The following ZNF823 variants were observed in gnomAD, a reference collection of about 807,000 sequenced individuals.
ZNF823 encodes ZFP 36 for a zinc finger protein.
A neutral mutation model predicts 11.4 loss-of-function variants in ZNF823; 5 were observed. The ratio of observed to expected loss-of-function variants is 0.44; its 90% CI spans 0.23 to 0.92. The LOEUF (loss-of-function observed/expected upper bound fraction) is 0.92. Among genes scored for constraint, ZNF823 ranks in the 40% least tolerant of loss-of-function variants. The probability of loss-of-function intolerance (pLI) is 0.24; values close to 1 mark genes in which losing one functional copy is unlikely to be tolerated. For missense variants in ZNF823, 582 were observed against 738.5 expected, an observed-to-expected ratio of 0.79 and a Z score of 2.46; for synonymous variants, 234 against 250.5, an observed-to-expected ratio of 0.93 and a Z score of 0.62.
intron 1 of ZNF823, among the ~76,000 whole-genome samples, chr19:11,736,315 G>A (rs554603828): frequency 1.3e-5 from 2 of 152,080 alleles, no homozygotes; most frequent in South Asian, 2.1e-4. Context: ...TCAGGAGTTC[G>A]AGACCAGCCT....
intron 1 of ZNF823, among the ~76,000 whole-genome samples, chr19:11,736,844 C>G (rs1249060596): frequency 6.7e-6 from 1 of 149,868 alleles, no homozygotes; most frequent in Non-Finnish European, 1.5e-5. Context: ...CAAGGAGAAG[C>G]TCCCTCAATA....
intron 1 of ZNF823, among the ~76,000 whole-genome samples, chr19:11,727,691 A>G (rs1038638130): frequency 6.6e-6 from 1 of 152,218 alleles, no homozygotes; most frequent in African/African-American, 2.4e-5. Flanking sequence ...AAAATGGTTG[A>G]AAAGCTTTGT....
chr19:11,722,013 G>A lies in ZNF823; in HGVS notation c.1521C>T (p.Ala507=). 2 of 1,614,056 alleles carry A rather than the reference G, an allele frequency of 1.2e-6. No homozygotes were observed. The highest frequency in any genetic ancestry group is 1.7e-6 in the Non-Finnish European group (2 of 1,180,026). The change falls in exon 4 of 4, where the codon GCC becomes GCT. Residue 507 remains alanine, a synonymous_variant. Coordinates refer to ENST00000341191, the MANE Select transcript of ZNF823 (RefSeq NM_001080493.4). This position sits in a 1 kb window ranked among gnomAD's most constrained non-coding sequence, Gnocchi z 5.2. ...KPYECKTCRK[A]FSHFSNLKVH... Reference sequence around the variant, plus strand: ...CTTTTAAGTTACTGAAATGACTGAAGGCTTTTCTACATGTTTTACACTCAT... The same window carrying A: ...CTTTTAAGTTACTGAAATGACTGAAAGCTTTTCTACATGTTTTACACTCAT...
intron 1 of ZNF823, among the ~76,000 whole-genome samples, chr19:11,738,196 G>C (rs1279613789): frequency 6.6e-6 from 1 of 152,182 alleles, no homozygotes; most frequent in Non-Finnish European, 1.5e-5. Flanking sequence ...AAGATCTCTT[G>C]AGAGTTGCTC....
chr19:11,722,373 G>T lies in ZNF823; in HGVS notation c.1161C>A (p.Pro387=), dbSNP rs1401486048. The T allele has an allele frequency of 1.2e-6, 2 of 1,613,100 alleles. No individual in the cohort carries two copies. Among genetic ancestry groups the T allele is most frequent in the Admixed American group, 1.7e-5 (1 of 59,902 alleles). The change falls in exon 4 of 4, where the codon CCC becomes CCA. Residue 387 remains proline (P), a synonymous_variant. Transcript: ENST00000341191. The surrounding 1 kb of genome is among the most constrained non-coding windows in gnomAD (Gnocchi z 5.2). ...CTTTCCCACATATCTTGCATTTCTG[G>T]GGTCCATCTCCTGTGTGTGTTATCA... ...SHMITHTGDG[P]QKCKICGKAF... is the part of the protein sequence containing the mutation.
rs564178922 is a variant in ZNF823 at position 11,730,294 on chromosome 19, TAAG to T, written c.4-4970_4-4968del. 2.0e-4 allele frequency among the ~76,000 whole-genome samples: 30 copies of T among 152,268 alleles called. No homozygotes were observed. In the South Asian group the frequency reaches 3.9e-3, roughly 20 times the overall value. On this transcript the variant is annotated intron_variant, in intron 1 of 3. Transcript: ENST00000341191. ...GACTCAGAAATTCAACTCTGAAAATTAAGAAGAAGAGTTGTGCGTGACTTATGC... is the reference window on the plus strand; with the variant it reads ...GACTCAGAAATTCAACTCTGAAAATTAAGAAGAGTTGTGCGTGACTTATGC...
chr19:11,732,744 C>A (rs1183795820), intron 1 of ZNF823, among the ~76,000 whole-genome samples: 5 of 152,208 alleles, frequency 3.3e-5, no homozygotes, highest in African/African-American at 1.2e-4. Context: ...AGCTTTCCCT[C>A]TTGACACCAC....
chr19:11,734,360 C>T (rs767745208), intron 1 of ZNF823, among the ~76,000 whole-genome samples: 1 of 152,106 alleles, frequency 6.6e-6, no homozygotes, highest in Admixed American at 6.5e-5. Context: ...TTCGACTATG[C>T]CCCCTTTTTA....
intron 1 of ZNF823, among the ~76,000 whole-genome samples, chr19:11,735,231 C>T (rs192809733): frequency 1.2e-4 from 17 of 146,500 alleles, no homozygotes; most frequent in African/African-American, 3.6e-4. Flanking sequence ...GCTGAGATCA[C>T]GCCACTGCAC....
In ZNF823 at chr19:11,723,215, C is replaced by A; in HGVS notation, c.319G>T (p.Val107Phe). 1 of 1,614,112 alleles carries A rather than the reference C, an allele frequency of 6.2e-7. No individual in the cohort carries two copies. Residue 107 changes from valine (V) to phenylalanine (F), a missense_variant, in exon 4 of 4, where the codon GTC becomes TTC. By Grantham distance (50) the Val-to-Phe change is conservative (BLOSUM62 -1). Around this residue, in one of 3 missense-constraint regions of ZNF823, gnomAD observed 429 missense variants for 553.7 expected, o/e 0.77. Coordinates refer to ENST00000341191, the MANE Select transcript of ZNF823 (RefSeq NM_001080493.4). ...PCDSGECGEV[V>F]LGHSSLNCNI... ...CAATTAAGAGACGAATGACCCAAGA[C>A]GACTTCTCCACACTCACCACTGTCA... is the stretch of plus-strand genomic sequence containing the variant.
At chr19:11,723,785 T>C (rs1187640474) in intron 3 of ZNF823, among the ~76,000 whole-genome samples, 1 of 152,216 alleles carries the variant, frequency 6.6e-6, no homozygotes, top group Non-Finnish European at 1.5e-5. Flanking sequence ...CCTCAGGTGA[T>C]CCACCCGCCT....
intron 1 of ZNF823, among the ~76,000 whole-genome samples, chr19:11,727,243 G>A (rs940123968): frequency 2.6e-5 from 4 of 152,096 alleles, no homozygotes; most frequent in Non-Finnish European, 5.9e-5. Context: ...GGGTGTGGTG[G>A]CTCACGACTG....
At chr19:11,738,114 C>T (rs1975027977) in intron 1 of ZNF823, among the ~76,000 whole-genome samples, 2 of 152,214 alleles carry the variant, frequency 1.3e-5, no homozygotes, top group South Asian at 4.1e-4. Flanking sequence ...CCCGCTGCCT[C>T]ACGGGGCCGC....
In ZNF823 at chr19:11,721,488, C is replaced by T. The variant is rs1599696754; in HGVS notation, c.*213G>A. The T allele has an allele frequency of 1.9e-6, 1 of 530,968 alleles. No homozygotes were observed. The highest frequency in any genetic ancestry group is 2.7e-5 in the South Asian group (1 of 36,870). 32.9% of individuals were successfully genotyped at this position (530,968 alleles called of 1,614,324 possible). A position where few individuals can be genotyped will look rare whatever the true frequency, so the allele number is the denominator to read the frequency against. On this transcript the variant is annotated 3_prime_UTR_variant, in exon 4 of 4. Transcript: ENST00000341191. ...CTGGAAGATATGCATAGGTTACATG[C>T]AAATATGCCATATAACAAAGGACTT...
chr19:11,721,515 G>T lies in ZNF823; in HGVS notation c.*186C>A, dbSNP rs983902629. The T allele has an allele frequency of 1.7e-6, 1 of 579,684 alleles. No homozygotes were observed. Among genetic ancestry groups the T allele is most frequent in the Non-Finnish European group, 3.0e-6 (1 of 333,892 alleles). The allele number at this position is 579,684 out of a possible 1,614,324, so 35.9% of individuals were successfully genotyped here. A position where few individuals can be genotyped will look rare whatever the true frequency, so the allele number is the denominator to read the frequency against. On this transcript the variant is annotated 3_prime_UTR_variant, in exon 4 of 4. Transcript: ENST00000341191. Reference sequence around the variant, plus strand: ...AATATGCCATATAACAAAGGACTTGGCATCTGTGGATTTAGAGGGTGCTGG... The same window carrying T: ...AATATGCCATATAACAAAGGACTTGTCATCTGTGGATTTAGAGGGTGCTGG...
Position 11,724,211 on chromosome 19 carries a change from A to G in ZNF823, c.174T>C (p.Asn58=), listed in dbSNP as rs771730838. Reference sequence around the variant, plus strand: ...CAAATTACCTTAGATTTCTCTTGGCATTTTGGCACTGATCTCCAATGTTCT... The same window carrying G: ...CAAATTACCTTAGATTTCTCTTGGCGTTTTGGCACTGATCTCCAATGTTCT... The part of the protein sequence containing the change: ...EDQNIGDQCQ[N]AKRNLRSHTC... The change falls in exon 3 of 4, where the codon AAT becomes AAC. Residue 58 remains asparagine, a synonymous_variant. Transcript: ENST00000341191. 2 of 1,609,492 alleles carry G rather than the reference A, an allele frequency of 1.2e-6. No homozygotes were observed. Among genetic ancestry groups the G allele is most frequent in the Admixed American group, 3.4e-5 (2 of 59,622 alleles).
chr19:11,735,176 G>C (rs1307803729), intron 1 of ZNF823, among the ~76,000 whole-genome samples: 1 of 150,910 alleles, frequency 6.6e-6, no homozygotes, highest in Non-Finnish European at 1.5e-5. Flanking sequence ...TCAGGAGGCT[G>C]AGGCAGGAGA....
chr19:11,724,732 T>G (rs539893181), intron 2 of ZNF823, among the ~76,000 whole-genome samples: 6 of 151,738 alleles, frequency 4.0e-5, no homozygotes, highest in Non-Finnish European at 5.9e-5. Flanking sequence ...CTAATTTTTT[T>G]TGTGTTTTTA....
chr19:11,723,377 G>C lies in ZNF823; in HGVS notation c.192-35C>G, dbSNP rs1218627523. On this transcript the variant is annotated intron_variant, in intron 3 of 3. Coordinates refer to ENST00000341191, the MANE Select transcript of ZNF823 (RefSeq NM_001080493.4). ...ATAAGAAATATATTACTAAAGGTTTGTTTATAAGTGATTTTCTATATATTG... is the reference window on the plus strand; with the variant it reads ...ATAAGAAATATATTACTAAAGGTTTCTTTATAAGTGATTTTCTATATATTG... The C allele has an allele frequency of 9.5e-6, 14 of 1,474,726 alleles. No homozygotes were observed. The South Asian group carries it at 1.8e-4, about 19-fold the overall frequency. 91.4% of individuals were successfully genotyped at this position (1,474,726 alleles called of 1,614,324 possible).
Sources: gnomAD v4.1 joint callset for allele counts (sites outside exome capture counted in the v4.1 genomes callset) on GRCh38, gnomAD v4.1.1 for gene constraint, gnomAD v4.1.1 regional missense constraint, Gnocchi (gnomAD v3.1) non-coding constraint, MANE v1.5 for transcripts, NCBI Gene and HGNC (gene_info 2026-07-23, HGNC 2026-07-21) for gene names.